Variants in ETV6 observed in about 807,000 individuals in gnomAD.
ETV6 encodes the protein transcription factor ETV6.
Under a neutral mutation model 51.1 loss-of-function variants are expected in ETV6, and 16 were observed. That is an observed-to-expected ratio of 0.31 (90% confidence interval 0.21 to 0.48). The LOEUF is 0.48. Among genes scored for constraint, ETV6 ranks in the 20% least tolerant of loss-of-function variants. The pLI is 0.99. For synonymous variants in ETV6, 240 were observed against 224.1 expected (o/e 1.07, Z -0.64); for missense variants, 458 against 594.8 (o/e 0.77, Z 2.39).
chr12:11,805,454 A>T (rs111578881), intron 2 of ETV6, among the ~76,000 whole-genome samples: 32 of 152,350 alleles, frequency 2.1e-4, no homozygotes, highest in African/African-American at 7.5e-4. Flanking sequence ...TGTCTCATCA[A>T]TGTAGTTACA....
At chr12:11,708,904 T>TAAA in intron 1 of ETV6, among the ~76,000 whole-genome samples, 1 of 152,304 alleles carries the variant, frequency 6.6e-6, no homozygotes, top group South Asian at 2.1e-4. Flanking sequence ...TTGAGGGACT[T>TAAA]AAAATCCATT....
rs777232904 is a variant in ETV6 at position 11,869,903 on chromosome 12, A to G, written c.943A>G (p.Met315Val). 4.3e-6 allele frequency: 7 copies of G among 1,612,412 alleles called. No homozygotes were observed. The East Asian group carries it at 1.1e-4, about 26-fold the overall frequency. ...CTCTCATCGGGAAGACCTGGCTTAC[A>G]TGAACCACATCATGGTCTCTGTCTC... ...NLSHREDLAY[M>V]NHIMVSVSPP... The change falls in exon 5 of 8, where the codon ATG becomes GTG. Residue 315 changes from methionine to valine, a missense_variant. Physicochemically the swap from Met to Val is conservative, Grantham distance 21 (BLOSUM62 1). Coordinates refer to ENST00000396373, the MANE Select transcript of ETV6 (RefSeq NM_001987.5). The surrounding 1 kb of genome is among the most constrained non-coding windows in gnomAD (Gnocchi z 5.0).
chr12:11,792,556 G>A lies in ETV6; in HGVS notation c.163+39977G>A, dbSNP rs919007740. On this transcript the variant is annotated intron_variant, in intron 2 of 7. Coordinates refer to ENST00000396373, the MANE Select transcript of ETV6 (RefSeq NM_001987.5). ...ACAAAAATTAGCCAGGCGTGGTGGCGCACGCCTGTAATCCCAGGTACTCGG... is the reference window on the plus strand; with the variant it reads ...ACAAAAATTAGCCAGGCGTGGTGGCACACGCCTGTAATCCCAGGTACTCGG... 1.1e-4 allele frequency among the ~76,000 whole-genome samples: 16 copies of A among 151,860 alleles called. No individual in the cohort carries two copies. The South Asian group carries it at 1.7e-3, about 16-fold the overall frequency.
intron 2 of ETV6, among the ~76,000 whole-genome samples, chr12:11,763,897 C>T (rs1945127092): frequency 2.6e-5 from 4 of 152,152 alleles, no homozygotes; most frequent in Admixed American, 2.6e-4. Context: ...ACTTTGGACC[C>T]AGGACAGAGG....
chr12:11,688,935 A>T (rs1864690641), intron 1 of ETV6, among the ~76,000 whole-genome samples: 1 of 152,346 alleles, frequency 6.6e-6, no homozygotes, highest in East Asian at 1.9e-4. Context: ...AAGTGGTGGT[A>T]GCTCAAAGAA....
At chr12:11,748,385 T>C (rs916693775) in intron 1 of ETV6, among the ~76,000 whole-genome samples, 2 of 152,260 alleles carry the variant, frequency 1.3e-5, no homozygotes, top group Non-Finnish European at 2.9e-5. Flanking sequence ...TGAAATTACC[T>C]GCAAACCATC....
At chr12:11,861,893 AT>A (rs1305028385) in intron 4 of ETV6, among the ~76,000 whole-genome samples, 1 of 152,064 alleles carries the variant, frequency 6.6e-6, no homozygotes, top group African/African-American at 2.4e-5. Flanking sequence ...CAATCCTTTG[AT>A]TTTTTAATTC....
rs1479552066 is a variant in ETV6, at chr12:11,891,641, G to A, written c.*595G>A. The A allele has an allele frequency of 1.9e-6, 1 of 527,498 alleles. No individual in the cohort carries two copies. The highest frequency in any genetic ancestry group is 3.7e-6 in the Non-Finnish European group (1 of 273,368). 32.7% of individuals were successfully genotyped at this position (527,498 alleles called of 1,614,324 possible). A position where few individuals can be genotyped will look rare whatever the true frequency, so the allele number is the denominator to read the frequency against. ...TTTAAAAAAGATAAAATGAAAAGGAGAGCTCTCTTTTTCTCTCTCTTGCTC... is the reference window on the plus strand; with the variant it reads ...TTTAAAAAAGATAAAATGAAAAGGAAAGCTCTCTTTTTCTCTCTCTTGCTC... On this transcript the variant is annotated 3_prime_UTR_variant, in exon 8 of 8. Coordinates refer to ENST00000396373, the MANE Select transcript of ETV6 (RefSeq NM_001987.5).
At chr12:11,875,012 T>C (rs906620132) in intron 5 of ETV6, among the ~76,000 whole-genome samples, 5 of 150,472 alleles carry the variant, frequency 3.3e-5, no homozygotes, top group African/African-American at 1.2e-4. Context: ...AACCTGCACA[T>C]TGTGCACATG....
Position 11,891,399 on chromosome 12 carries a change from C to CTTCATCG in ETV6, c.*360_*366dup, listed in dbSNP as rs1290171740. On this transcript the variant is annotated 3_prime_UTR_variant, in exon 8 of 8. Transcript: ENST00000396373. ...TGTTTTAAGAACCTGCAGTTTGACT[C>CTTCATCG]TTCATCGTTCATCTAGGGGAAGACA... 2.9e-6 allele frequency: 1 copy of CTTCATCG among 343,658 alleles called. No individual in the cohort carries two copies. Among genetic ancestry groups the CTTCATCG allele is most frequent in the Non-Finnish European group, 5.4e-6 (1 of 185,942 alleles). The allele number at this position is 343,658 out of a possible 1,614,324, so 21.3% of individuals were successfully genotyped here.
intron 2 of ETV6, among the ~76,000 whole-genome samples, chr12:11,773,276 AT>A (rs932217929): frequency 6.6e-5 from 10 of 151,028 alleles, no homozygotes; most frequent in African/African-American, 9.7e-5. Context: ...GGTATAAAGA[AT>A]TTTTTTTAAT....
At chr12:11,816,597 G>C (rs1226321307) in intron 2 of ETV6, among the ~76,000 whole-genome samples, 1 of 152,138 alleles carries the variant, frequency 6.6e-6, no homozygotes, top group Non-Finnish European at 1.5e-5. Context: ...TCAGCTCTCT[G>C]ATCCTTTTAG....
rs915292555 is a variant in ETV6, at chr12:11,892,978, C to T, written c.*1932C>T. Reference sequence around the variant, plus strand: ...CATAGCCAGCCCACTCCTACTGTCACAGGCGCCCCACCATTCAACCTTCCG... The same window carrying T: ...CATAGCCAGCCCACTCCTACTGTCATAGGCGCCCCACCATTCAACCTTCCG... On this transcript the variant is annotated 3_prime_UTR_variant, in exon 8 of 8. Transcript: ENST00000396373. 2 of 233,108 alleles carry T rather than the reference C, an allele frequency of 8.6e-6. No individual in the cohort carries two copies. Among genetic ancestry groups the T allele is most frequent in the East Asian group, 6.0e-5 (1 of 16,558 alleles). The allele number at this position is 233,108 out of a possible 1,614,324, so 14.4% of individuals were successfully genotyped here.
intron 4 of ETV6, among the ~76,000 whole-genome samples, chr12:11,862,546 C>G (rs1946732099): frequency 6.6e-6 from 1 of 152,182 alleles, no homozygotes; most frequent in South Asian, 2.1e-4. Context: ...TTCCATGACT[C>G]TCTTCTCGTT....
intron 1 of ETV6, among the ~76,000 whole-genome samples, chr12:11,712,683 A>G (rs1390856431): frequency 6.6e-6 from 1 of 152,130 alleles, no homozygotes; most frequent in Admixed American, 6.5e-5. Context: ...AAGGCCTTCA[A>G]CTGATTGGTT....
At chr12:11,843,971 A>G (rs1419749212) in intron 3 of ETV6, among the ~76,000 whole-genome samples, 1 of 151,998 alleles carries the variant, frequency 6.6e-6, no homozygotes, top group Non-Finnish European at 1.5e-5. Context: ...TCCCAATTTT[A>G]TAAAACGTCA....
At chr12:11,654,741 GT>G (rs2120610220) in intron 1 of ETV6, among the ~76,000 whole-genome samples, 1 of 152,262 alleles carries the variant, frequency 6.6e-6, no homozygotes, top group South Asian at 2.1e-4. Context: ...ATTTTTTACA[GT>G]GCACAAAGGC....
intron 2 of ETV6, among the ~76,000 whole-genome samples, chr12:11,835,725 T>TGGATGG (rs1565544750): frequency 6.6e-6 from 1 of 152,364 alleles, no homozygotes; most frequent in East Asian, 1.9e-4. Context: ...ATCTAAGTCT[T>TGGATGG]GGATGGGTAG....
At chr12:11,688,077 C>A (rs1864670593) in intron 1 of ETV6, among the ~76,000 whole-genome samples, 1 of 150,356 alleles carries the variant, frequency 6.7e-6, no homozygotes, top group Admixed American at 6.7e-5. Context: ...GGTCCCACAC[C>A]AGGGAAATGT....
Sources: gnomAD v4.1 joint callset for allele counts (sites outside exome capture counted in the v4.1 genomes callset) on GRCh38, gnomAD v4.1.1 for gene constraint, Gnocchi (gnomAD v3.1) non-coding constraint, MANE v1.5 for transcripts, NCBI Gene and HGNC (gene_info 2026-07-23, HGNC 2026-07-21) for gene names.